GTF2IRD1: variants seen among roughly 807,000 people sequenced by gnomAD.
The protein encoded by GTF2IRD1 is general transcription factor II-I repeat domain-containing protein 1.
In GTF2IRD1, 26 loss-of-function variants were observed where a neutral mutation model predicts 113.2. The observed-to-expected ratio is 0.23, with a 90% CI of 0.17 to 0.32. The LOEUF (loss-of-function observed/expected upper bound fraction) is 0.32. GTF2IRD1 is among the 10% of genes least tolerant of loss of function. GTF2IRD1 has a pLI of 1.00. For missense variants in GTF2IRD1, 864 were observed against 1,280.8 expected, an observed-to-expected ratio of 0.67 and a Z score of 4.97; for synonymous variants, 484 against 529.1, an observed-to-expected ratio of 0.91 and a Z score of 1.17.
At chr7:74,516,914 C>G (rs1432263742) in intron 4 of GTF2IRD1, among the ~76,000 whole-genome samples, 3 of 152,160 alleles carry the variant, frequency 2.0e-5, no homozygotes, top group Non-Finnish European at 2.9e-5. Flanking sequence ...TCCTCAGTCC[C>G]CAGCCTGCCT....
chr7:74,503,098 T>C (rs1554339938), intron 1 of GTF2IRD1, among the ~76,000 whole-genome samples: 1 of 147,372 alleles, frequency 6.8e-6, no homozygotes. Flanking sequence ...ACCTGGGAGG[T>C]GGAGGTTGCA....
intron 1 of GTF2IRD1, among the ~76,000 whole-genome samples, chr7:74,475,431 G>A (rs1794343309): frequency 6.6e-6 from 1 of 152,172 alleles, no homozygotes; most frequent in African/African-American, 2.4e-5. Context: ...ACAGCCACTC[G>A]AGGCTGAGCC....
At chr7:74,521,130 G>A in intron 6 of GTF2IRD1, 78 bp from the exon 7 acceptor site, 1 of 795,980 alleles carries the variant, frequency 1.3e-6, no homozygotes. Flanking sequence ...CCAGAGCCAG[G>A]GCCTGTGCAC....
intron 1 of GTF2IRD1, among the ~76,000 whole-genome samples, chr7:74,474,335 GC>G (rs1433914373): frequency 1.3e-5 from 2 of 152,202 alleles, no homozygotes; most frequent in Admixed American, 6.5e-5. Flanking sequence ...TCTCACTGTA[GC>G]CCCCCTGGTG....
intron 22 of GTF2IRD1, among the ~76,000 whole-genome samples, chr7:74,560,258 C>T (rs1404185614): frequency 3.9e-5 from 6 of 151,984 alleles, no homozygotes; most frequent in Non-Finnish European, 8.8e-5. Context: ...CGAGTCAGTG[C>T]ACCTGCTCCT....
intron 1 of GTF2IRD1, among the ~76,000 whole-genome samples, chr7:74,463,350 T>G (rs1193312562): frequency 2.6e-5 from 4 of 152,008 alleles, no homozygotes; most frequent in Non-Finnish European, 5.9e-5. Flanking sequence ...ATTCTCCCAC[T>G]TCAGCCTCCT....
intron 21 of GTF2IRD1, 90 bp downstream of exon 21, chr7:74,559,134 G>A: frequency 2.4e-6 from 3 of 1,226,454 alleles, no homozygotes; most frequent in Non-Finnish European, 3.5e-6. Flanking sequence ...CCTAGGTCCT[G>A]CCCTCCCCCC....
chr7:74,487,953 A>T (rs782625710), intron 1 of GTF2IRD1, among the ~76,000 whole-genome samples: 10 of 152,088 alleles, frequency 6.6e-5, no homozygotes, highest in African/African-American at 1.2e-4. Context: ...TCATGGTAAG[A>T]GGGTGGTGGG....
chr7:74,525,224 C>A (rs1797532762), intron 8 of GTF2IRD1, among the ~76,000 whole-genome samples: 2 of 152,194 alleles, frequency 1.3e-5, no homozygotes, highest in African/African-American at 4.8e-5. Flanking sequence ...CCTAATTGTT[C>A]TTTGAGACTC....
intron 1 of GTF2IRD1, among the ~76,000 whole-genome samples, chr7:74,490,558 G>A (rs1007243338): frequency 1.0e-5 from 1 of 95,784 alleles, no homozygotes; most frequent in Non-Finnish European, 2.3e-5. Flanking sequence ...CCCCCCGCCC[G>A]CCTTCCAGAA....
intron 9 of GTF2IRD1, among the ~76,000 whole-genome samples, chr7:74,533,069 C>A (rs587665929): frequency 1.3e-5 from 2 of 151,884 alleles, no homozygotes; most frequent in Non-Finnish European, 2.9e-5. Flanking sequence ...AGCCCAGCCC[C>A]GCCCTCTCAG....
intron 4 of GTF2IRD1, 77 bp downstream of exon 4, chr7:74,515,673 C>T: frequency 3.0e-6 from 4 of 1,338,556 alleles, no homozygotes; most frequent in East Asian, 2.4e-5. Flanking sequence ...GAGGGGGCCC[C>T]CTCCTGTCCC....
chr7:74,514,046 G>A (rs1303160928), intron 3 of GTF2IRD1, among the ~76,000 whole-genome samples: 15 of 152,008 alleles, frequency 9.9e-5, no homozygotes, highest in African/African-American at 3.4e-4. Context: ...TTAAGAGAAC[G>A]GGCCGCCTGG....
At chr7:74,494,071 C>T (rs543438980) in intron 1 of GTF2IRD1, among the ~76,000 whole-genome samples, 1 of 152,302 alleles carries the variant, frequency 6.6e-6, no homozygotes, top group East Asian at 1.9e-4. Context: ...AATAGCCCAA[C>T]ATTAGCAGTG....
chr7:74,535,985 CAG>C (rs1186722220), intron 10 of GTF2IRD1, among the ~76,000 whole-genome samples, 180 bp from the exon 11 acceptor site: 4 of 152,210 alleles, frequency 2.6e-5, no homozygotes, highest in African/African-American at 9.6e-5. Context: ...CTTCTGGCGT[CAG>C]AGTCTCTCCC....
intron 9 of GTF2IRD1, among the ~76,000 whole-genome samples, chr7:74,532,077 C>T (rs1308129079): frequency 1.3e-5 from 2 of 152,156 alleles, no homozygotes; most frequent in Non-Finnish European, 2.9e-5. Context: ...GCCAGCGACC[C>T]CTTGGTCAGT....
intron 26 of GTF2IRD1, chr7:74,601,525 C>A: frequency 2.9e-6 from 4 of 1,395,764 alleles, no homozygotes; most frequent in Non-Finnish European, 1.9e-6. Context: ...GTAATCCCAG[C>A]ACTTTGGCAG....
chr7:74,554,074 G>GGCTCACTCC (rs1475418818), intron 17 of GTF2IRD1, among the ~76,000 whole-genome samples: 1 of 152,078 alleles, frequency 6.6e-6, no homozygotes, highest in Non-Finnish European at 1.5e-5. Flanking sequence ...TTGGCCTTTG[G>GGCTCACTCC]GCTCACTCCC....
intron 22 of GTF2IRD1, among the ~76,000 whole-genome samples, chr7:74,587,752 T>C (rs1478606643): frequency 6.6e-6 from 1 of 151,862 alleles, no homozygotes; most frequent in Non-Finnish European, 1.5e-5. Flanking sequence ...CAACCCCCAC[T>C]CAGCCTTACA....
Sources: allele counts gnomAD v4.1 joint callset (sites outside exome capture counted in the v4.1 genomes callset), GRCh38; gene constraint gnomAD v4.1.1; transcripts MANE v1.5; gene names NCBI Gene and HGNC (gene_info 2026-07-23, HGNC 2026-07-21).